The following VRK1 variants were observed in gnomAD, a reference collection of about 807,000 sequenced individuals.
VRK1 encodes the protein VRK serine/threonine kinase 1.
Under a neutral mutation model 57.1 loss-of-function variants are expected in VRK1, and 33 were observed. The ratio of observed to expected loss-of-function variants is 0.58; its 90% CI spans 0.44 to 0.77. VRK1 has a LOEUF of 0.77. VRK1 is among the 30% of genes least tolerant of loss of function. VRK1 has a pLI of 0.00. For missense variants in VRK1, 413 were observed against 477.3 expected, an observed-to-expected ratio of 0.87 and a Z score of 1.25; for synonymous variants, 137 against 147.8, an observed-to-expected ratio of 0.93 and a Z score of 0.53.
chr14:96,849,383 C>G (rs1196045245), intron 5 of VRK1, among the ~76,000 whole-genome samples: 1 of 151,854 alleles, frequency 6.6e-6, no homozygotes, highest in Admixed American at 6.6e-5. Flanking sequence ...GTACCTGGGG[C>G]TAGAGCATTT....
chr14:96,851,052 C>A (rs1192719195), intron 5 of VRK1, among the ~76,000 whole-genome samples: 1 of 152,102 alleles, frequency 6.6e-6, no homozygotes, highest in Non-Finnish European at 1.5e-5. Context: ...CAAAGGAAAC[C>A]AGGAAGTCAA....
At chr14:96,865,647 CT>C (rs1433337859) in intron 11 of VRK1, among the ~76,000 whole-genome samples, 1 of 152,150 alleles carries the variant, frequency 6.6e-6, no homozygotes, top group African/African-American at 2.4e-5. Context: ...TAGTAGGCCC[CT>C]ATAGTTACTT....
intron 1 of VRK1, among the ~76,000 whole-genome samples, chr14:96,832,850 G>T (rs1186714091): frequency 6.6e-6 from 1 of 152,138 alleles, no homozygotes; most frequent in African/African-American, 2.4e-5. Flanking sequence ...ATGTTGGTGA[G>T]GTCTTGGAGC....
In VRK1 at chr14:96,881,233, C is replaced by T. The variant is rs1208094050; in HGVS notation, c.*25C>T. On this transcript the variant is annotated 3_prime_UTR_variant, in exon 13 of 13. Coordinates refer to ENST00000216639, the MANE Select transcript of VRK1 (RefSeq NM_003384.3). ...ATTCAGATGCTGTGAACCAGATTTC[C>T]TTTTCTTTGTTTTCTTTTGACTTTT... The T allele has an allele frequency of 1.9e-6, 3 of 1,589,680 alleles. No homozygotes were observed. The highest frequency in any genetic ancestry group is 2.7e-5 in the African/African-American group (2 of 74,634).
At chr14:96,867,640 TC>T (rs1274082426) in intron 11 of VRK1, among the ~76,000 whole-genome samples, 1 of 152,138 alleles carries the variant, frequency 6.6e-6, no homozygotes, top group Non-Finnish European at 1.5e-5. Flanking sequence ...CTCTATTCTG[TC>T]CCTCCGGAAC....
chr14:96,860,969 A>G (rs1888368555), intron 11 of VRK1: 1 of 354,138 alleles, frequency 2.8e-6, no homozygotes, highest in Non-Finnish European at 5.1e-6. Flanking sequence ...TTAACTTGGA[A>G]TACTGATATC....
At chr14:96,854,651 A>G (rs1399875860) in intron 7 of VRK1, among the ~76,000 whole-genome samples, 1 of 152,212 alleles carries the variant, frequency 6.6e-6, no homozygotes, top group Admixed American at 6.5e-5. Context: ...TAGTATTTAG[A>G]TATAGATAAA....
At position 96,811,773 on chromosome 14, in the gene VRK1, C is replaced by T. The variant is rs1286800677; in HGVS notation, c.-6+14326C>T. On this transcript the variant is annotated intron_variant, in intron 1 of 12. Transcript: ENST00000216639. ...CTATCACATTTTCCCTCTCATTAACCTTTTTTTTTTTAAAGCAAACAGCTT... is the reference window on the plus strand; with the variant it reads ...CTATCACATTTTCCCTCTCATTAACTTTTTTTTTTTTAAAGCAAACAGCTT... Among the ~76,000 whole-genome samples, 11 of 148,398 alleles carry T rather than the reference C, an allele frequency of 7.4e-5. No homozygotes were observed. The South Asian group carries it at 2.3e-3, about 31-fold the overall frequency.
chr14:96,853,773 C>G (rs1188051926), intron 7 of VRK1, among the ~76,000 whole-genome samples: 1 of 151,920 alleles, frequency 6.6e-6, no homozygotes, highest in Non-Finnish European at 1.5e-5. Flanking sequence ...ATACAATTTT[C>G]CTGTATAACT....
At chr14:96,833,394 T>A in intron 1 of VRK1, 73 bp from the exon 2 acceptor site, 2 of 1,586,002 alleles carry the variant, frequency 1.3e-6, no homozygotes, top group East Asian at 2.3e-5. Flanking sequence ...CGTACGGAAG[T>A]TTTCCTTAGG....
intron 12 of VRK1, among the ~76,000 whole-genome samples, chr14:96,880,467 C>T (rs573760660): frequency 6.6e-6 from 1 of 152,328 alleles, no homozygotes; most frequent in East Asian, 1.9e-4. Flanking sequence ...ATCAGGCTAA[C>T]TGCTGTACCC....
At chr14:96,827,537 C>T (rs1886846162) in intron 1 of VRK1, among the ~76,000 whole-genome samples, 1 of 152,080 alleles carries the variant, frequency 6.6e-6, no homozygotes, top group South Asian at 2.1e-4. Context: ...TAAGCTGTAG[C>T]TCACTGGCCC....
chr14:96,871,678 G>A (rs768859810), intron 11 of VRK1, among the ~76,000 whole-genome samples: 1 of 152,146 alleles, frequency 6.6e-6, no homozygotes, highest in African/African-American at 2.4e-5. Flanking sequence ...AGTACATGGT[G>A]GTGATCTTCA....
chr14:96,820,627 TAAAC>T (rs764646353), intron 1 of VRK1, among the ~76,000 whole-genome samples: 7 of 152,158 alleles, frequency 4.6e-5, no homozygotes, highest in Non-Finnish European at 7.4e-5. Context: ...TAGTCTAAAA[TAAAC>T]AAAATAAACA....
At chr14:96,808,017 C>CTGTGTA (rs1885965772) in intron 1 of VRK1, among the ~76,000 whole-genome samples, 1 of 127,246 alleles carries the variant, frequency 7.9e-6, no homozygotes, top group Admixed American at 7.9e-5. Flanking sequence ...CTCTCTCCCT[C>CTGTGTA]TGTGTGTGTG....
intron 11 of VRK1, among the ~76,000 whole-genome samples, chr14:96,872,031 C>T (rs1888841357): frequency 6.6e-6 from 1 of 152,146 alleles, no homozygotes; most frequent in Non-Finnish European, 1.5e-5. Context: ...TCTCAAACTC[C>T]TGACCTCAAG....
rs112601642 is a variant in VRK1 at position 96,863,336 on chromosome 14, A to G, written c.1068+2601A>G. The stretch of plus-strand genomic sequence containing the variant: ...ACTCATAAATTAACATTCAACAATT[A>G]CATAAAAAGTCTAGTTTATGTACCT... On this transcript the variant is annotated intron_variant, in intron 11 of 12. Transcript: ENST00000216639. 4.3e-3 allele frequency among the ~76,000 whole-genome samples: 650 copies of G among 152,350 alleles called. 3 individuals are homozygous for G. The highest frequency in any genetic ancestry group is 0.014 in the African/African-American group (602 of 41,592).
At chr14:96,873,403 A>G (rs1888904925) in intron 11 of VRK1, among the ~76,000 whole-genome samples, 1 of 152,186 alleles carries the variant, frequency 6.6e-6, no homozygotes, top group South Asian at 2.1e-4. Flanking sequence ...TCAAAAATAT[A>G]ATGTGTAATA....
At chr14:96,815,459 A>G (rs561786478) in intron 1 of VRK1, among the ~76,000 whole-genome samples, 11 of 152,300 alleles carry the variant, frequency 7.2e-5, no homozygotes, top group African/African-American at 2.4e-4. Flanking sequence ...AGAATCTAGG[A>G]TTCTCTGAAG....
Sources: allele counts gnomAD v4.1 joint callset (sites outside exome capture counted in the v4.1 genomes callset), GRCh38; gene constraint gnomAD v4.1.1; transcripts MANE v1.5; gene names NCBI Gene and HGNC (gene_info 2026-07-23, HGNC 2026-07-21).